The following LDLRAD4 variants were observed in gnomAD, a reference collection of about 807,000 sequenced individuals.
LDLRAD4 encodes low-density lipoprotein receptor class A domain-containing protein 4.
In LDLRAD4, 5 loss-of-function variants were observed where a neutral mutation model predicts 17.0. That is an observed-to-expected ratio of 0.29 (90% CI 0.15 to 0.62). LDLRAD4 has a LOEUF of 0.62. Ranked by LOEUF, LDLRAD4 falls within the 20% of genes least tolerant of loss-of-function variation. The pLI, the probability that LDLRAD4 is intolerant of heterozygous loss-of-function variation, is 0.84. For synonymous variants in LDLRAD4, 168 were observed against 171.8 expected, an observed-to-expected ratio of 0.98 and a Z score of 0.17; for missense variants, 340 against 424.7, an observed-to-expected ratio of 0.80 and a Z score of 1.75.
At chr18:13,564,414 C>T (rs1300167614) in intron 3 of LDLRAD4, among the ~76,000 whole-genome samples, 1 of 151,772 alleles carries the variant, frequency 6.6e-6, no homozygotes, top group Non-Finnish European at 1.5e-5. Flanking sequence ...ATCCCCAGCG[C>T]TCGCCTTTGC....
intron 3 of LDLRAD4, among the ~76,000 whole-genome samples, chr18:13,579,673 C>A (rs780642671): frequency 6.6e-6 from 1 of 152,212 alleles, no homozygotes; most frequent in Non-Finnish European, 1.5e-5. Flanking sequence ...CAGGCAAAGT[C>A]ACCAAAGATT....
At position 13,335,367 on chromosome 18, in the gene LDLRAD4, A is replaced by G. The variant is rs144655265; in HGVS notation, c.-382-51974A>G. Among the ~76,000 whole-genome samples the G allele has an allele frequency of 4.9e-3, 741 of 152,238 alleles. 3 individuals are homozygous for G. Among genetic ancestry groups the G allele is most frequent in the African/African-American group, 0.017 (709 of 41,550 alleles). The stretch of plus-strand genomic sequence containing the variant: ...TGTTAGATATCTTCATATGTATATT[A>G]CTTTTTTCATCACATTTGAATGATA... On this transcript the variant is annotated intron_variant, in intron 1 of 5. Transcript: ENST00000359446.
Position 13,239,424 on chromosome 18 carries a change from A to G in LDLRAD4, c.-467+20436A>G, listed in dbSNP as rs572327763. The G allele has an allele frequency of 3.9e-5, 6 of 152,356 alleles. No homozygotes were observed. The East Asian group carries it at 1.2e-3, about 29-fold the overall frequency. 9.4% of individuals were successfully genotyped at this position (152,356 alleles called of 1,614,324 possible). A position where few individuals can be genotyped will look rare whatever the true frequency, so the allele number is the denominator to read the frequency against. On this transcript the variant is annotated intron_variant, in intron 1 of 5. Coordinates refer to the LDLRAD4 transcript ENST00000399848. The stretch of plus-strand genomic sequence containing the variant: ...TCCCTTTTCACCTACGTCTTGTGTG[A>G]GGATTTCAATAGCTCCTAAATGAGC...
At chr18:13,572,220 G>A (rs548125093) in intron 3 of LDLRAD4, among the ~76,000 whole-genome samples, 43 of 152,336 alleles carry the variant, frequency 2.8e-4, no homozygotes, top group Admixed American at 1.6e-3. Flanking sequence ...ACTACATTGG[G>A]GGTAGTGAAA....
chr18:13,642,811 C>A lies in LDLRAD4; in HGVS notation c.337-548C>A, dbSNP rs1012827051. The A allele has an allele frequency of 5.4e-6, 6 of 1,120,328 alleles. No individual in the cohort carries two copies. In the African/African-American group the frequency reaches 8.0e-5, roughly 15 times the overall value. 69.4% of individuals were successfully genotyped at this position (1,120,328 alleles called of 1,614,324 possible). On this transcript the variant is annotated intron_variant, in intron 4 of 5. Coordinates refer to ENST00000359446, the Ensembl canonical transcript of LDLRAD4. ...AAATCTAATCTGGCCAGGAGTTCAA[C>A]TTTTCCATGTTTCCTTTTGTTCACA...
chr18:13,393,597 A>G (rs369569584), intron 2 of LDLRAD4, among the ~76,000 whole-genome samples: 89 of 152,288 alleles, frequency 5.8e-4, no homozygotes, highest in African/African-American at 2.1e-3. Flanking sequence ...GTGTATGTCA[A>G]GTGCTGCAGA....
chr18:13,330,929 T>G (rs979804590), intron 1 of LDLRAD4, among the ~76,000 whole-genome samples: 2 of 152,316 alleles, frequency 1.3e-5, no homozygotes, highest in African/African-American at 4.8e-5. Context: ...TCCAAGAGCT[T>G]CTGGATAGCT....
chr18:13,624,690 G>A (rs765889580), intron 4 of LDLRAD4, among the ~76,000 whole-genome samples: 7 of 152,158 alleles, frequency 4.6e-5, no homozygotes, highest in Non-Finnish European at 7.4e-5. Flanking sequence ...CAAGTTCCCC[G>A]CCTTCCCCAT....
At chr18:13,293,260 G>A (rs1599176598) in intron 1 of LDLRAD4, among the ~76,000 whole-genome samples, 1 of 152,198 alleles carries the variant, frequency 6.6e-6, no homozygotes, top group Non-Finnish European at 1.5e-5. Context: ...AAAAGGAGAG[G>A]AGACAATATT....
chr18:13,387,712 C>G, exon 2 of LDLRAD4: 1 of 1,613,702 alleles, frequency 6.2e-7, no homozygotes, highest in Non-Finnish European at 8.5e-7. Context: ...CAGGCTTGTC[C>G]GGGGAGCAGT....
chr18:13,273,299 T>A (rs1012877752), upstream of LDLRAD4, among the ~76,000 whole-genome samples: 1 of 152,152 alleles, frequency 6.6e-6, no homozygotes, highest in African/African-American at 2.4e-5. Context: ...GGCCTCCTTG[T>A]GTTTAATTTA....
chr18:13,453,022 T>G (rs954219168), intron 3 of LDLRAD4, among the ~76,000 whole-genome samples: 1 of 152,204 alleles, frequency 6.6e-6, no homozygotes, highest in African/African-American at 2.4e-5. Context: ...GGGCTTGTGC[T>G]CTGCTCAGCA....
At chr18:13,532,698 T>A (rs893368450) in intron 3 of LDLRAD4, among the ~76,000 whole-genome samples, 1 of 152,236 alleles carries the variant, frequency 6.6e-6, no homozygotes, top group African/African-American at 2.4e-5. Context: ...TCCACCTTCA[T>A]CGGACTTGGC....
At chr18:13,271,893 CTTTTTTT>C (rs753254188) in intron 1 of LDLRAD4, among the ~76,000 whole-genome samples, 1 of 79,018 alleles carries the variant, frequency 1.3e-5, no homozygotes, top group African/African-American at 5.3e-5. Flanking sequence ...CTGTTCAGTG[CTTTTTTT>C]TTTTTTTTTT....
chr18:13,642,310 C>T (rs2042646151), intron 4 of LDLRAD4: 2 of 993,624 alleles, frequency 2.0e-6, no homozygotes, highest in Non-Finnish European at 2.4e-6. Context: ...GGCCCCTACA[C>T]GCTGAGTTCG....
At chr18:13,377,733 C>A (rs544659717) in intron 1 of LDLRAD4, among the ~76,000 whole-genome samples, 6 of 152,192 alleles carry the variant, frequency 3.9e-5, no homozygotes, top group African/African-American at 1.4e-4. Context: ...AAACTGCTGG[C>A]CAGTCCCAAG....
intron 1 of LDLRAD4, among the ~76,000 whole-genome samples, chr18:13,260,750 G>A (rs2043772989): frequency 6.6e-6 from 1 of 152,176 alleles, no homozygotes; most frequent in African/African-American, 2.4e-5. Flanking sequence ...ATCTATGGCA[G>A]GTCCATCCTT....
chr18:13,494,480 C>T (rs2147151417), intron 3 of LDLRAD4, among the ~76,000 whole-genome samples: 1 of 150,984 alleles, frequency 6.6e-6, no homozygotes, highest in African/African-American at 2.4e-5. Context: ...GATATATCTG[C>T]CCTCATAAGA....
intron 3 of LDLRAD4, chr18:13,486,701 A>C (rs2093231612): frequency 6.6e-6 from 1 of 152,238 alleles, no homozygotes. Context: ...TGCATGTATC[A>C]AAAGCTCACT....
Sources: allele counts gnomAD v4.1 joint callset (sites outside exome capture counted in the v4.1 genomes callset), GRCh38; gene constraint gnomAD v4.1.1; transcripts MANE v1.5; gene names NCBI Gene and HGNC (gene_info 2026-07-23, HGNC 2026-07-21).